Variants in SLC41A2 observed in about 807,000 individuals in gnomAD.
The protein encoded by SLC41A2 is SLC41A1-like 1.
In SLC41A2, 32 loss-of-function variants were observed where a neutral mutation model predicts 58.3. The observed-to-expected ratio is 0.55, with a 90% confidence interval of 0.41 to 0.74. The LOEUF is 0.74. SLC41A2 is among the 30% of genes least tolerant of loss of function. The pLI, the probability that SLC41A2 is intolerant of heterozygous loss-of-function variation, is 0.00. For synonymous variants in SLC41A2, 190 were observed against 235.0 expected (o/e 0.81, Z 1.75); for missense variants, 514 against 680.6 (o/e 0.76, Z 2.72).
At chr12:104,881,612 T>C (rs1030007070) in intron 6 of SLC41A2, among the ~76,000 whole-genome samples, 3 of 152,216 alleles carry the variant, frequency 2.0e-5, no homozygotes, top group Admixed American at 6.5e-5. Flanking sequence ...TCAGTTTCCA[T>C]GTAGTTGTGC....
chr12:104,875,910 C>A (rs2044019820), intron 6 of SLC41A2, among the ~76,000 whole-genome samples: 1 of 152,122 alleles, frequency 6.6e-6, no homozygotes, highest in Non-Finnish European at 1.5e-5. Flanking sequence ...AGCCATGAAG[C>A]CATTTGGTTC....
At chr12:104,953,019 T>C (rs1298434518) in intron 1 of SLC41A2, among the ~76,000 whole-genome samples, 1 of 152,246 alleles carries the variant, frequency 6.6e-6, no homozygotes, top group African/African-American at 2.4e-5. Context: ...GTACTTGTAC[T>C]AACTGTTTTT....
chr12:104,937,987 T>C (rs1197940235), intron 1 of SLC41A2, among the ~76,000 whole-genome samples: 1 of 152,182 alleles, frequency 6.6e-6, no homozygotes, highest in Admixed American at 6.5e-5. Flanking sequence ...CTACCAAAAC[T>C]GAGAGGCATG....
rs981156011 is a variant in SLC41A2, at chr12:104,802,838, ATTAG to A, written c.*2310_*2313del. 3 of 152,098 alleles carry A rather than the reference ATTAG, an allele frequency of 2.0e-5. No individual in the cohort carries two copies. Among genetic ancestry groups the A allele is most frequent in the African/African-American group, 4.8e-5 (2 of 41,420 alleles). 9.4% of individuals were successfully genotyped at this position (152,098 alleles called of 1,614,324 possible). ...TTTGCAGTTGGCTTCCTCTCAGTGA[ATTAG>A]TTAGGTAGTTTTGGTACATTTGGAG... On this transcript the variant is annotated 3_prime_UTR_variant, in exon 11 of 11. Coordinates refer to ENST00000258538, the MANE Select transcript of SLC41A2 (RefSeq NM_001352171.3).
At chr12:104,834,509 A>C (rs568095675) in intron 10 of SLC41A2, among the ~76,000 whole-genome samples, 1 of 152,318 alleles carries the variant, frequency 6.6e-6, no homozygotes, top group African/African-American at 2.4e-5. Flanking sequence ...GAGGCAGAAC[A>C]GTCACATAGA....
intron 1 of SLC41A2, among the ~76,000 whole-genome samples, chr12:104,948,924 A>C (rs2047842531): frequency 6.6e-6 from 1 of 152,206 alleles, no homozygotes; most frequent in South Asian, 2.1e-4. Context: ...CAATCAATAA[A>C]TGAACAAATA....
chr12:104,805,629 CA>C (rs1169096270), intron 10 of SLC41A2, among the ~76,000 whole-genome samples: 2 of 151,972 alleles, frequency 1.3e-5, no homozygotes, highest in Non-Finnish European at 1.5e-5. Context: ...GTACAGTTTC[CA>C]AAAGACTGTT....
At chr12:104,927,890 G>C (rs1378964049) in intron 2 of SLC41A2, 83 bp downstream of exon 2, 3 of 1,206,276 alleles carry the variant, frequency 2.5e-6, no homozygotes, top group Non-Finnish European at 3.4e-6. Flanking sequence ...GAATGTTTGA[G>C]AGTAGTAACC....
intron 8 of SLC41A2, among the ~76,000 whole-genome samples, chr12:104,860,876 A>G (rs570911354): frequency 6.6e-6 from 1 of 152,286 alleles, no homozygotes; most frequent in South Asian, 2.1e-4. Context: ...TGCCCACCCC[A>G]GATTTTAATG....
chr12:104,858,711 C>T (rs2043105280), intron 8 of SLC41A2, among the ~76,000 whole-genome samples: 1 of 152,090 alleles, frequency 6.6e-6, no homozygotes, highest in South Asian at 2.1e-4. Context: ...AGGGTTTGGT[C>T]GTGTTGCCCA....
At chr12:104,834,560 A>G (rs1179584112) in intron 10 of SLC41A2, among the ~76,000 whole-genome samples, 2 of 152,170 alleles carry the variant, frequency 1.3e-5, no homozygotes, top group Non-Finnish European at 2.9e-5. Flanking sequence ...ATCTGGTAGA[A>G]TTAAATCCTG....
intron 1 of SLC41A2, among the ~76,000 whole-genome samples, chr12:104,936,534 G>A (rs1253612554): frequency 2.0e-5 from 3 of 152,220 alleles, no homozygotes; most frequent in Non-Finnish European, 4.4e-5. Context: ...GCAAGGAGGA[G>A]GAAGTCACAT....
intron 6 of SLC41A2, among the ~76,000 whole-genome samples, chr12:104,877,891 C>G (rs2044133074): frequency 6.6e-6 from 1 of 151,884 alleles, no homozygotes; most frequent in Non-Finnish European, 1.5e-5. Flanking sequence ...TAGCTGTAGT[C>G]CCAGCTACTC....
intron 3 of SLC41A2, among the ~76,000 whole-genome samples, chr12:104,905,707 G>C (rs2045810291): frequency 6.6e-6 from 1 of 152,232 alleles, no homozygotes; most frequent in Non-Finnish European, 1.5e-5. Flanking sequence ...GCGCCGGTGG[G>C]CCAGCATTGC....
chr12:104,952,082 AT>A (rs2135986281), intron 1 of SLC41A2, among the ~76,000 whole-genome samples: 1 of 152,292 alleles, frequency 6.6e-6, no homozygotes, highest in Non-Finnish European at 1.5e-5. Flanking sequence ...TAATAAATGT[AT>A]GCAGTTCTAT....
chr12:104,866,314 G>T, intron 7 of SLC41A2, 118 bp downstream of exon 7: 5 of 1,240,582 alleles, frequency 4.0e-6, no homozygotes, highest in Non-Finnish European at 4.1e-6. Context: ...ATAAAAACAG[G>T]CAATTCATTT....
At chr12:104,917,250 A>G (rs990458377) in intron 2 of SLC41A2, among the ~76,000 whole-genome samples, 1 of 150,918 alleles carries the variant, frequency 6.6e-6, no homozygotes, top group Non-Finnish European at 1.5e-5. Context: ...GCCATCAGAG[A>G]AATGCAAATC....
At chr12:104,884,071 G>A (rs565862430) in intron 6 of SLC41A2, among the ~76,000 whole-genome samples, 4 of 152,314 alleles carry the variant, frequency 2.6e-5, no homozygotes, top group Non-Finnish European at 4.4e-5. Context: ...CCCCAGCCTC[G>A]CTGCCACCTC....
chr12:104,847,072 T>C (rs1308632977), intron 8 of SLC41A2, among the ~76,000 whole-genome samples: 1 of 151,356 alleles, frequency 6.6e-6, no homozygotes, highest in Non-Finnish European at 1.5e-5. Flanking sequence ...GTTGAAACCA[T>C]CCAACAAGGA....
Sources: allele counts gnomAD v4.1 joint callset (sites outside exome capture counted in the v4.1 genomes callset), GRCh38; gene constraint gnomAD v4.1.1; transcripts MANE v1.5; gene names NCBI Gene and HGNC (gene_info 2026-07-23, HGNC 2026-07-21).